EPB41L4A: variants seen among roughly 807,000 people sequenced by gnomAD.
EPB41L4A encodes the protein band 4.1-like protein 4A.
Under a neutral mutation model 108.6 loss-of-function variants are expected in EPB41L4A, and 100 were observed. The observed-to-expected ratio is 0.92, with a 90% CI of 0.78 to 1.09. EPB41L4A has a LOEUF of 1.09. Ranked by LOEUF, EPB41L4A falls within the 50% of genes least tolerant of loss-of-function variation. The pLI, the probability that EPB41L4A is intolerant of heterozygous loss-of-function variation, is 0.00. For missense variants in EPB41L4A, 1,030 were observed against 842.7 expected (o/e 1.22, Z -2.75); for synonymous variants, 319 against 289.0 (o/e 1.10, Z -1.05).
chr5:112,277,756 C>CT (rs929173208), intron 3 of EPB41L4A, among the ~76,000 whole-genome samples: 3 of 152,224 alleles, frequency 2.0e-5, no homozygotes, highest in African/African-American at 7.2e-5. Flanking sequence ...CAATCAAAGG[C>CT]TATAGAAATG....
intron 12 of EPB41L4A, among the ~76,000 whole-genome samples, chr5:112,211,450 C>T (rs6875556): frequency 0.39 from 59,253 of 151,896 alleles, 12,105 homozygotes; most frequent in East Asian, 0.66. Context: ...GGCATGGTGG[C>T]GCATGCCTGT....
At position 112,226,279 on chromosome 5, in the gene EPB41L4A, G is replaced by A. The variant is rs1217016294; in HGVS notation, c.1087+8355C>T. Among the ~76,000 whole-genome samples the A allele has an allele frequency of 3.9e-5, 6 of 152,194 alleles. No individual in the cohort carries two copies. The East Asian group carries it at 9.6e-4, about 24-fold the overall frequency. On this transcript the variant is annotated intron_variant, in intron 12 of 22. Coordinates refer to ENST00000261486, the MANE Select transcript of EPB41L4A (RefSeq NM_022140.5). ...GTTCCGCTGATATTATAGAAGTGAC[G>A]TATTTGATCTAATATCTTCCTGGAC...
chr5:112,249,608 T>C (rs1417069877), intron 9 of EPB41L4A: 1 of 152,090 alleles, frequency 6.6e-6, no homozygotes, highest in Non-Finnish European at 1.5e-5. Flanking sequence ...GCATCCTGAG[T>C]TTCCACCTGG....
chr5:112,308,126 C>A (rs1167080509), intron 1 of EPB41L4A, among the ~76,000 whole-genome samples: 1 of 152,174 alleles, frequency 6.6e-6, no homozygotes, highest in East Asian at 1.9e-4. Context: ...TCTCTCCCCA[C>A]CTACTACATA....
At chr5:112,411,962 G>C (rs115038466) in intron 1 of EPB41L4A, among the ~76,000 whole-genome samples, 2 of 152,230 alleles carry the variant, frequency 1.3e-5, no homozygotes, top group Admixed American at 6.5e-5. Context: ...CCTCACTCAC[G>C]GCCCCCACTG....
intron 1 of EPB41L4A, among the ~76,000 whole-genome samples, chr5:112,362,689 C>T (rs1758848380): frequency 6.6e-6 from 1 of 152,170 alleles, no homozygotes; most frequent in Non-Finnish European, 1.5e-5. Flanking sequence ...CCTTGAGGAA[C>T]AACAGATAAA....
At chr5:112,194,982 C>G (rs1333819986) in intron 16 of EPB41L4A, among the ~76,000 whole-genome samples, 1 of 152,080 alleles carries the variant, frequency 6.6e-6, no homozygotes, top group African/African-American at 2.4e-5. Flanking sequence ...AATATGGACA[C>G]AAAATCTTGT....
chr5:112,240,195 C>T (rs534486852), intron 10 of EPB41L4A, among the ~76,000 whole-genome samples: 1 of 152,272 alleles, frequency 6.6e-6, no homozygotes, highest in Admixed American at 6.5e-5. Flanking sequence ...CCTCTAATGT[C>T]GGGAGGGCCA....
chr5:112,414,389 G>A (rs566354975), intron 1 of EPB41L4A, among the ~76,000 whole-genome samples: 17 of 152,286 alleles, frequency 1.1e-4, no homozygotes, highest in African/African-American at 3.1e-4. Context: ...GGTTCTCAAC[G>A]GAGGGTGATT....
At chr5:112,246,155 T>C (rs1019472347) in intron 9 of EPB41L4A, among the ~76,000 whole-genome samples, 24 of 152,164 alleles carry the variant, frequency 1.6e-4, no homozygotes, top group African/African-American at 5.3e-4. Flanking sequence ...TGTCAGAAGA[T>C]AGGAGCCCTT....
In EPB41L4A at chr5:112,212,459, A is replaced by AT. The variant is rs573970122; in HGVS notation, c.1088-2478dup. On this transcript the variant is annotated intron_variant, in intron 12 of 22. Coordinates refer to ENST00000261486, the MANE Select transcript of EPB41L4A (RefSeq NM_022140.5). ...AGGCGCATGACACTGAGTCCAGCTA[A>AT]TTTTTTTATAATTTTAGTAGAGACA... Among the ~76,000 whole-genome samples, 369 of 151,912 alleles carry AT rather than the reference A, an allele frequency of 2.4e-3. 2 individuals carry two copies. Among genetic ancestry groups the AT allele is most frequent in the African/African-American group, 8.6e-3 (358 of 41,406 alleles).
At chr5:112,286,399 C>T (rs763746803) in intron 2 of EPB41L4A, among the ~76,000 whole-genome samples, 1 of 152,198 alleles carries the variant, frequency 6.6e-6, no homozygotes, top group Non-Finnish European at 1.5e-5. Context: ...CAAGGGAACC[C>T]TTGGTATCAC....
chr5:112,275,230 A>G (rs1336040340), intron 4 of EPB41L4A, 96 bp downstream of exon 4: 27 of 1,399,662 alleles, frequency 1.9e-5, no homozygotes, highest in Non-Finnish European at 2.6e-5. Flanking sequence ...AGGTAGACAC[A>G]CATCCAAACG....
chr5:112,369,959 C>T (rs1279082056), intron 1 of EPB41L4A, among the ~76,000 whole-genome samples: 1 of 152,186 alleles, frequency 6.6e-6, no homozygotes, highest in Non-Finnish European at 1.5e-5. Flanking sequence ...TGGAAATCCT[C>T]TGCTCCCGAT....
intron 2 of EPB41L4A, among the ~76,000 whole-genome samples, chr5:112,287,146 A>C (rs1317493804): frequency 6.6e-6 from 1 of 152,178 alleles, no homozygotes; most frequent in Non-Finnish European, 1.5e-5. Flanking sequence ...TACACTGACA[A>C]CTTCCACAGT....
At chr5:112,253,011 A>C (rs1398257892) in intron 9 of EPB41L4A, among the ~76,000 whole-genome samples, 2 of 152,196 alleles carry the variant, frequency 1.3e-5, no homozygotes, top group African/African-American at 4.8e-5. Context: ...AGCTAGAAAA[A>C]TCAGCGTTTT....
At chr5:112,228,325 C>G (rs1465898065) in intron 12 of EPB41L4A, 1 of 152,252 alleles carries the variant, frequency 6.6e-6, no homozygotes, top group African/African-American at 2.4e-5. Flanking sequence ...CACTCCGCTG[C>G]ACAGAAACAA....
At chr5:112,327,106 G>A (rs1052410367) in intron 1 of EPB41L4A, among the ~76,000 whole-genome samples, 3 of 152,154 alleles carry the variant, frequency 2.0e-5, no homozygotes, top group African/African-American at 4.8e-5. Context: ...AAACTCAGCT[G>A]AGCGAGTTGC....
At chr5:112,280,777 T>C (rs1752918743) in intron 2 of EPB41L4A, among the ~76,000 whole-genome samples, 1 of 152,244 alleles carries the variant, frequency 6.6e-6, no homozygotes, top group African/African-American at 2.4e-5. Flanking sequence ...AAGTGACTTC[T>C]ATTTTTGGTG....
Sources: allele counts gnomAD v4.1 joint callset (sites outside exome capture counted in the v4.1 genomes callset), GRCh38; gene constraint gnomAD v4.1.1; transcripts MANE v1.5; gene names NCBI Gene and HGNC (gene_info 2026-07-23, HGNC 2026-07-21).